The following PSKH2 variants were observed in gnomAD, a reference collection of about 807,000 sequenced individuals.
The protein encoded by PSKH2 is protein serine kinase H2, also known as serine/threonine-protein kinase H2.
A neutral mutation model predicts 22.5 loss-of-function variants in PSKH2; 16 were observed. The ratio of observed to expected loss-of-function variants is 0.71; its 90% CI spans 0.48 to 1.08. PSKH2 has a LOEUF of 1.08. Ranked by LOEUF, PSKH2 falls within the 50% of genes least tolerant of loss-of-function variation. The pLI is 0.00. For synonymous variants in PSKH2, 188 were observed against 184.8 expected (o/e 1.02, Z -0.14); for missense variants, 516 against 492.8 (o/e 1.05, Z -0.44).
In PSKH2 at chr8:86,069,515, G is replaced by C. The variant is rs768480045; in HGVS notation, c.108C>G (p.Pro36=). The C allele has an allele frequency of 1.9e-6, 3 of 1,608,550 alleles. No individual in the cohort carries two copies. Among genetic ancestry groups the C allele is most frequent in the South Asian group, 1.1e-5 (1 of 90,588 alleles). ...TCTGCGCCGCCTGGGCCGCCGCCTCGGGCCCAGGCCCCGCGCCTCCGACGC... is the reference window on the plus strand; with the variant it reads ...TCTGCGCCGCCTGGGCCGCCGCCTCCGGCCCAGGCCCCGCGCCTCCGACGC... ...QAGVGGAGPG[P]EAAAQAAQRI... The change falls in exon 1 of 3, where the codon CCC becomes CCG. Residue 36 remains proline, a synonymous_variant. Transcript: ENST00000276616.
chr8:86,063,304 C>T (rs1279617747), intron 2 of PSKH2, among the ~76,000 whole-genome samples: 1 of 152,200 alleles, frequency 6.6e-6, no homozygotes, highest in East Asian at 1.9e-4. Context: ...ATTTGCTCAT[C>T]TGCTGTACAT....
rs894265562 is a variant in PSKH2, at chr8:86,047,344, T to C, written c.*1118A>G. On this transcript the variant is annotated 3_prime_UTR_variant, in exon 3 of 3. Transcript: ENST00000276616. Reference sequence around the variant, plus strand: ...TTACAACATAAAAAGAAAATAGTTGTGTCACTAATTACATATTCTTATCTA... The same window carrying C: ...TTACAACATAAAAAGAAAATAGTTGCGTCACTAATTACATATTCTTATCTA... Among the ~76,000 whole-genome samples the C allele has an allele frequency of 6.6e-6, 1 of 152,134 alleles. No individual in the cohort carries two copies. The highest frequency in any genetic ancestry group is 6.5e-5 in the Admixed American group (1 of 15,272).
chr8:86,053,522 C>G (rs1012660619), intron 2 of PSKH2, among the ~76,000 whole-genome samples: 6 of 152,128 alleles, frequency 3.9e-5, no homozygotes, highest in African/African-American at 1.4e-4. Flanking sequence ...GGTGGTGCCT[C>G]TTCAAGGAGA....
chr8:86,048,695 T>G lies in PSKH2; in HGVS notation c.925A>C (p.Met309Leu), dbSNP rs768373520. The change falls in exon 3 of 3, where the codon ATG (methionine) becomes CTG (leucine). Residue 309 changes from methionine to leucine, a missense_variant. Met to Leu is a conservative substitution (Grantham distance 15). Transcript: ENST00000276616. ...TGGTCCAGGGCCTGGCCAGCTGACA[T>G]GCGATGACCAGCCTCCAAAATCAGT... The part of the protein sequence containing the change: ...KLLILEAGHR[M>L]SAGQALDHPW... 42 of 1,613,974 alleles carry G rather than the reference T, an allele frequency of 2.6e-5. No homozygotes were observed. In the South Asian group the frequency reaches 4.4e-4, roughly 17 times the overall value.
intron 2 of PSKH2, among the ~76,000 whole-genome samples, chr8:86,063,240 T>C (rs1355914560): frequency 6.6e-6 from 1 of 152,208 alleles, no homozygotes; most frequent in African/African-American, 2.4e-5. Flanking sequence ...ACATTTTAAG[T>C]AGGTATAAGC....
intron 2 of PSKH2, among the ~76,000 whole-genome samples, chr8:86,058,537 T>G (rs559019047): frequency 4.8e-4 from 73 of 152,374 alleles, no homozygotes; most frequent in African/African-American, 1.7e-3. Flanking sequence ...TTCTCCATGC[T>G]TATTCCTTTT....
At chr8:86,050,623 T>C (rs1324770441) in intron 2 of PSKH2, among the ~76,000 whole-genome samples, 1 of 152,206 alleles carries the variant, frequency 6.6e-6, no homozygotes, top group African/African-American at 2.4e-5. Flanking sequence ...TCCTGTAGGT[T>C]GACTCTACCA....
chr8:86,048,381 C>T lies in PSKH2; in HGVS notation c.*81G>A, dbSNP rs755661513. The T allele has an allele frequency of 6.8e-5, 68 of 997,530 alleles. No homozygotes were observed. Among genetic ancestry groups the T allele is most frequent in the African/African-American group, 1.6e-4 (10 of 61,880 alleles). The allele number at this position is 997,530 out of a possible 1,614,324, so 61.8% of individuals were successfully genotyped here. A position where few individuals can be genotyped will look rare whatever the true frequency, so the allele number is the denominator to read the frequency against. On this transcript the variant is annotated 3_prime_UTR_variant, in exon 3 of 3. Transcript: ENST00000276616. ...AGTATCCAACAATACCATGGAGTCC[C>T]GTGTCTTTGGAGCTTGAGGGTGCCC...
Position 86,047,579 on chromosome 8 carries a change from A to C in PSKH2, c.*883T>G, listed in dbSNP as rs1031771564. Among the ~76,000 whole-genome samples, 1 of 152,158 alleles carries C rather than the reference A, an allele frequency of 6.6e-6. No individual in the cohort carries two copies. The highest frequency in any genetic ancestry group is 2.4e-5 in the African/African-American group (1 of 41,448). On this transcript the variant is annotated 3_prime_UTR_variant, in exon 3 of 3. Coordinates refer to ENST00000276616, the MANE Select transcript of PSKH2 (RefSeq NM_033126.3). ...TCACAGATATGATTAATAATATTTCAATCTTTATATCATTTTACAAAAATT... is the reference window on the plus strand; with the variant it reads ...TCACAGATATGATTAATAATATTTCCATCTTTATATCATTTTACAAAAATT...
chr8:86,058,291 C>T (rs1280848330), intron 2 of PSKH2, among the ~76,000 whole-genome samples: 1 of 152,200 alleles, frequency 6.6e-6, no homozygotes, highest in East Asian at 1.9e-4. Flanking sequence ...AACTCCTATG[C>T]CTACCCTGCA....
intron 2 of PSKH2, among the ~76,000 whole-genome samples, chr8:86,057,715 A>T (rs1021670174): frequency 2.6e-5 from 4 of 152,074 alleles, no homozygotes; most frequent in African/African-American, 9.7e-5. Context: ...TTACTAGTCA[A>T]TGTATTCCTT....
intron 2 of PSKH2, among the ~76,000 whole-genome samples, chr8:86,063,036 C>G (rs946438885): frequency 6.6e-6 from 1 of 152,212 alleles, no homozygotes; most frequent in Non-Finnish European, 1.5e-5. Flanking sequence ...ATTGCATTGT[C>G]TGTGAATTCT....
chr8:86,049,965 AT>A lies in PSKH2; in HGVS notation c.853-1199del, dbSNP rs1563538907. On this transcript the variant is annotated intron_variant, in intron 2 of 2. Transcript: ENST00000276616. ...TTCCCAATCAGCTGAGAACAAATAG[AT>A]TCAACATGTAACAAATAGATTCAAA... 2.0e-5 allele frequency among the ~76,000 whole-genome samples: 3 copies of A among 152,308 alleles called. No homozygotes were observed. The East Asian group carries it at 5.8e-4, about 29-fold the overall frequency.
chr8:86,050,638 A>T (rs1358273734), intron 2 of PSKH2, among the ~76,000 whole-genome samples: 1 of 152,204 alleles, frequency 6.6e-6, no homozygotes, highest in Non-Finnish European at 1.5e-5. Flanking sequence ...CTACCAGCAC[A>T]TACCGTATAC....
intron 1 of PSKH2, 109 bp from the exon 2 acceptor site, chr8:86,064,740 A>G (rs916531338): frequency 1.1e-5 from 10 of 890,870 alleles, no homozygotes; most frequent in Non-Finnish European, 1.7e-5. Context: ...CTCCCATCAG[A>G]TTTATTTGTT....
Position 86,069,425 on chromosome 8 carries a change from C to A in PSKH2, c.185+13G>T. On this transcript the variant is annotated intron_variant, in intron 1 of 2. Coordinates refer to ENST00000276616, the MANE Select transcript of PSKH2 (RefSeq NM_033126.3). ...AGCCCAGTCCCAGGCCAGTTCCTCA[C>A]GTGGCGCTTTACCTGGCAAGGACCC... 1 of 1,565,624 alleles carries A rather than the reference C, an allele frequency of 6.4e-7. No homozygotes were observed. Among genetic ancestry groups the A allele is most frequent in the Non-Finnish European group, 8.6e-7 (1 of 1,156,820 alleles).
At chr8:86,056,302 AAG>A (rs1357517772) in intron 2 of PSKH2, among the ~76,000 whole-genome samples, 4 of 152,084 alleles carry the variant, frequency 2.6e-5, no homozygotes, top group Non-Finnish European at 5.9e-5. Flanking sequence ...TCTCTCAAAA[AAG>A]AAAAAAATGT....
At chr8:86,066,193 A>T (rs1817854879) in intron 1 of PSKH2, among the ~76,000 whole-genome samples, 1 of 143,630 alleles carries the variant, frequency 7.0e-6, no homozygotes, top group Admixed American at 7.1e-5. Context: ...ATTAGAACGC[A>T]GGTCTCCTTT....
intron 2 of PSKH2, among the ~76,000 whole-genome samples, chr8:86,054,863 A>G (rs934045087): frequency 2.6e-5 from 4 of 152,180 alleles, no homozygotes; most frequent in Non-Finnish European, 4.4e-5. Flanking sequence ...CCCTAAATTT[A>G]AGTAAAATTG....
Sources: gnomAD v4.1 joint callset for allele counts (sites outside exome capture counted in the v4.1 genomes callset) on GRCh38, gnomAD v4.1.1 for gene constraint, MANE v1.5 for transcripts, NCBI Gene and HGNC (gene_info 2026-07-23, HGNC 2026-07-21) for gene names.